Variants in CADPS observed in about 807,000 individuals in gnomAD.
CADPS encodes the protein calcium-dependent secretion activator 1.
CADPS carries 57 observed loss-of-function variants against 167.3 expected under a neutral mutation model. That is an observed-to-expected ratio of 0.34 (90% CI 0.28 to 0.42). The LOEUF (loss-of-function observed/expected upper bound fraction) is 0.42. Among genes scored for constraint, CADPS ranks in the 20% least tolerant of loss-of-function variants. The probability of loss-of-function intolerance (pLI) is 1.00; values close to 1 mark genes in which losing one functional copy is unlikely to be tolerated. For synonymous variants in CADPS, 676 were observed against 635.3 expected (o/e 1.06, Z -0.96); for missense variants, 1,414 against 1,738.1 (o/e 0.81, Z 3.32).
chr3:62,635,210 T>A (rs2066053835), intron 6 of CADPS, among the ~76,000 whole-genome samples: 1 of 152,152 alleles, frequency 6.6e-6, no homozygotes, highest in African/African-American at 2.4e-5. Flanking sequence ...ATTCTGCTCT[T>A]GGGGTAGAAA....
intron 1 of CADPS, among the ~76,000 whole-genome samples, chr3:62,795,423 C>T (rs2093339258): frequency 6.6e-6 from 1 of 152,134 alleles, no homozygotes; most frequent in South Asian, 2.1e-4. Flanking sequence ...TTGTTCGTCA[C>T]TGCACATTCT....
chr3:62,813,538 C>G (rs1346666517), intron 1 of CADPS, among the ~76,000 whole-genome samples: 1 of 152,028 alleles, frequency 6.6e-6, no homozygotes, highest in Non-Finnish European at 1.5e-5. Flanking sequence ...AAATACCATT[C>G]TGAACATCAG....
intron 13 of CADPS, among the ~76,000 whole-genome samples, chr3:62,524,799 T>A (rs2071637443): frequency 6.6e-6 from 1 of 152,142 alleles, no homozygotes; most frequent in South Asian, 2.1e-4. Context: ...ACACATCAGA[T>A]GATTAGAGAA....
intron 3 of CADPS, among the ~76,000 whole-genome samples, chr3:62,693,646 ATGCTGGC>A (rs1173095386): frequency 1.3e-5 from 2 of 151,898 alleles, no homozygotes; most frequent in African/African-American, 4.8e-5. Context: ...TTAGCCAAGC[ATGCTGGC>A]GCATGCCCGT....
chr3:62,875,184 T>A lies in CADPS; in HGVS notation c.-155A>T. The A allele has an allele frequency of 9.7e-7, 1 of 1,026,778 alleles. No homozygotes were observed. The highest frequency in any genetic ancestry group is 1.3e-6 in the Non-Finnish European group (1 of 794,678). 63.6% of individuals were successfully genotyped at this position (1,026,778 alleles called of 1,614,324 possible). ...GCTGCTCAGCCTCGGCCGCCGCGAC[T>A]GATCCTCTGCCCGGCGGTCGCGAGC... On this transcript the variant is annotated 5_prime_UTR_variant, in exon 1 of 30. Coordinates refer to ENST00000383710, the MANE Select transcript of CADPS (RefSeq NM_003716.4).
intron 1 of CADPS, among the ~76,000 whole-genome samples, chr3:62,813,447 A>G (rs115312653): frequency 0.016 from 2,379 of 152,162 alleles, 66 homozygotes; most frequent in African/African-American, 0.055. Flanking sequence ...TACATTTTAC[A>G]TATATAAAAA....
At chr3:62,538,620 C>T (rs991668092) in intron 11 of CADPS, among the ~76,000 whole-genome samples, 13 of 152,140 alleles carry the variant, frequency 8.5e-5, no homozygotes, top group Non-Finnish European at 1.9e-4. Context: ...GAAAAGGCTG[C>T]AAACTGACAA....
intron 1 of CADPS, among the ~76,000 whole-genome samples, chr3:62,784,089 C>T (rs770559180): frequency 9.2e-5 from 14 of 152,038 alleles, no homozygotes; most frequent in East Asian, 1.9e-4. Context: ...CTTATCTTAC[C>T]GGAAATTAAG....
intron 3 of CADPS, among the ~76,000 whole-genome samples, chr3:62,737,279 T>C (rs559458186): frequency 6.6e-6 from 1 of 152,022 alleles, no homozygotes; most frequent in African/African-American, 2.4e-5. Context: ...TGCCATCCAC[T>C]GTCTACAAAA....
intron 1 of CADPS, among the ~76,000 whole-genome samples, chr3:62,848,095 T>C (rs1213050112): frequency 7.1e-6 from 1 of 140,834 alleles, no homozygotes; most frequent in Non-Finnish European, 1.5e-5. Flanking sequence ...AAGTGTCTGT[T>C]CATGTCCTTC....
intron 6 of CADPS, among the ~76,000 whole-genome samples, chr3:62,638,692 C>T (rs920643555): frequency 2.0e-5 from 3 of 152,162 alleles, no homozygotes; most frequent in Non-Finnish European, 1.5e-5. Context: ...CCAGCCACTA[C>T]TTGATCATCC....
intron 4 of CADPS, among the ~76,000 whole-genome samples, chr3:62,654,950 A>G (rs1031281461): frequency 1.3e-5 from 2 of 152,162 alleles, no homozygotes; most frequent in African/African-American, 2.4e-5. Flanking sequence ...GGACTCACTC[A>G]GTGCCTTTTA....
At chr3:62,588,254 C>A (rs1412411818) in intron 7 of CADPS, among the ~76,000 whole-genome samples, 1 of 151,456 alleles carries the variant, frequency 6.6e-6, no homozygotes, top group Non-Finnish European at 1.5e-5. Flanking sequence ...GACTGTATGA[C>A]TGGATTCTGC....
chr3:62,477,476 T>C (rs1208249145), intron 23 of CADPS, among the ~76,000 whole-genome samples: 1 of 152,198 alleles, frequency 6.6e-6, no homozygotes, highest in East Asian at 1.9e-4. Context: ...GGAAAGGGAT[T>C]CTACTACTCT....
chr3:62,509,987 A>G (rs1161939590), intron 17 of CADPS, among the ~76,000 whole-genome samples: 2 of 152,126 alleles, frequency 1.3e-5, no homozygotes, highest in Admixed American at 1.3e-4. Context: ...AAAAATAAAG[A>G]CTTCTTTATG....
Position 62,827,194 on chromosome 3 carries a change from A to G in CADPS, c.441+47395T>C, listed in dbSNP as rs544339252. On this transcript the variant is annotated intron_variant, in intron 1 of 29. Coordinates refer to ENST00000383710, the MANE Select transcript of CADPS (RefSeq NM_003716.4). ...TCTATCCCATAGCTGGAAATACAAT[A>G]TAATCCCTAACTAGATCTTTCCAAG... Among the ~76,000 whole-genome samples the G allele has an allele frequency of 5.6e-4, 86 of 152,302 alleles. 1 individual carries two copies. The South Asian group carries it at 0.011, about 19-fold the overall frequency.
chr3:62,693,701 C>T lies in CADPS; in HGVS notation c.889-31307G>A, dbSNP rs1423664516. ...TCAGGAGGCTGAGGCAGGAGGATCA[C>T]TTGAACCCAGGAGGCAGAGGTTGTA... On this transcript the variant is annotated intron_variant, in intron 3 of 29. Transcript: ENST00000383710. 3.3e-5 allele frequency among the ~76,000 whole-genome samples: 5 copies of T among 151,282 alleles called. No homozygotes were observed. The East Asian group carries it at 9.8e-4, about 30-fold the overall frequency.
chr3:62,869,578 T>G (rs2082267649), intron 1 of CADPS, among the ~76,000 whole-genome samples: 1 of 152,156 alleles, frequency 6.6e-6, no homozygotes, highest in Admixed American at 6.5e-5. Context: ...ATCCTGTGTG[T>G]GCATGCACTC....
At chr3:62,498,828 AAAC>A (rs917170612) in intron 18 of CADPS, among the ~76,000 whole-genome samples, 6 of 151,702 alleles carry the variant, frequency 4.0e-5, no homozygotes, top group African/African-American at 1.4e-4. Context: ...GTGGCAACAA[AAAC>A]AACCACAAAA....
Sources: allele counts gnomAD v4.1 joint callset (sites outside exome capture counted in the v4.1 genomes callset), GRCh38; gene constraint gnomAD v4.1.1; transcripts MANE v1.5; gene names NCBI Gene and HGNC (gene_info 2026-07-23, HGNC 2026-07-21).